C4orf50: variants seen among roughly 807,000 people sequenced by gnomAD.
C4orf50 encodes chromosome 4 open reading frame 50.
C4orf50 carries 80 observed loss-of-function variants against 77.2 expected under a neutral mutation model. That is an observed-to-expected ratio of 1.04 (90% CI 0.87 to 1.25). C4orf50 has a LOEUF of 1.25. Ranked by LOEUF, C4orf50 falls within the 50% of genes most tolerant of loss-of-function variation. C4orf50 has a pLI of 0.00. For synonymous variants in C4orf50, 532 were observed against 465.3 expected (o/e 1.14, Z -1.84); for missense variants, 1,257 against 1,152.9 (o/e 1.09, Z -1.31).
rs183995145 is a variant in C4orf50, at chr4:5,949,814, C to T, written c.*2474+7087G>A. On this transcript the variant is annotated intron_variant, in intron 7 of 7. Transcript: ENST00000324058. ...CTAGCCTGGTCAACATGGTGAAACC[C>T]CATCTCTACTAAAAATACAGAACAA... Among the ~76,000 whole-genome samples, 35 of 152,054 alleles carry T rather than the reference C, an allele frequency of 2.3e-4. No homozygotes were observed. In the East Asian group the frequency reaches 6.6e-3, roughly 29 times the overall value.
At position 5,982,639 on chromosome 4, in the gene C4orf50, A is replaced by G. The variant is rs538224271; in HGVS notation, c.3700-2301T>C. Among the ~76,000 whole-genome samples the G allele has an allele frequency of 7.9e-4, 120 of 152,334 alleles. 1 individual carries two copies. Among genetic ancestry groups the G allele is most frequent in the South Asian group, 7.7e-3 (37 of 4,834 alleles). On this transcript the variant is annotated intron_variant, in intron 28 of 33. Transcript: ENST00000531445. ...ACAGTACCAATTTGTAGCATTTGCC[A>G]GTTTCCATGGCGTGAATATTCCCAC...
At chr4:5,969,862 A>C (rs936583104) in intron 31 of C4orf50, among the ~76,000 whole-genome samples, 1 of 152,110 alleles carries the variant, frequency 6.6e-6, no homozygotes, top group African/African-American at 2.4e-5. Context: ...CCCAGCTAGG[A>C]GCACAGGAAG....
chr4:6,007,096 G>A lies in C4orf50; in HGVS notation c.963+900C>T, dbSNP rs1438311110. Among the ~76,000 whole-genome samples, 2 of 152,208 alleles carry A rather than the reference G, an allele frequency of 1.3e-5. No individual in the cohort carries two copies. The highest frequency in any genetic ancestry group is 3.9e-4 in the East Asian group (2 of 5,178). ...ATGTTGGACAGATGGATGGACAAGA[G>A]TGAGTGGACAATAAGGGATACAAGG... On this transcript the variant is annotated intron_variant, in intron 25 of 33. Transcript: ENST00000531445. The surrounding 1 kb of genome is among the most constrained non-coding windows in gnomAD (Gnocchi z 4.1).
exon 28 of C4orf50, chr4:5,988,953 G>A: frequency 6.5e-7 from 1 of 1,536,006 alleles, no homozygotes; most frequent in Non-Finnish European, 8.7e-7. Flanking sequence ...TGGCTTTCTG[G>A]AGTTGGCCCA....
intron 7 of C4orf50, among the ~76,000 whole-genome samples, chr4:5,936,918 C>T (rs1387451377): frequency 6.6e-6 from 1 of 151,796 alleles, no homozygotes; most frequent in African/African-American, 2.4e-5. Context: ...ACAGCAATAA[C>T]AGGCGTCTTC....
At chr4:5,912,553 T>A (rs1716855132) in intron 7 of C4orf50, among the ~76,000 whole-genome samples, 1 of 152,120 alleles carries the variant, frequency 6.6e-6, no homozygotes, top group Admixed American at 6.5e-5. Flanking sequence ...TGCACCAGTG[T>A]TCTAAAATGC....
At chr4:5,911,189 G>A (rs758121514) in intron 7 of C4orf50, among the ~76,000 whole-genome samples, 31 of 152,104 alleles carry the variant, frequency 2.0e-4, no homozygotes, top group Non-Finnish European at 4.1e-4. Flanking sequence ...GATTACAGGC[G>A]TAAGCCACCA....
intron 29 of C4orf50, among the ~76,000 whole-genome samples, chr4:5,978,383 T>C (rs10433662): frequency 0.21 from 32,334 of 152,184 alleles, 4,506 homozygotes; most frequent in East Asian, 0.68. Flanking sequence ...AATTAAGAAC[T>C]AAAGTGAGTT....
At chr4:5,912,256 C>CGTGTGT (rs58017259) in intron 7 of C4orf50, among the ~76,000 whole-genome samples, 3,327 of 146,396 alleles carry the variant, frequency 0.023, 50 homozygotes, top group African/African-American at 0.034. Flanking sequence ...GCACTCCACT[C>CGTGTGT]GTGTGTGTGT....
rs5855876 is a variant in C4orf50 at position 5,916,395 on chromosome 4, G to GAGA, written c.*2475-18210_*2475-18208dup. Among the ~76,000 whole-genome samples the GAGA allele has an allele frequency of 0.22, 33,200 of 151,924 alleles. 7,822 individuals carry two copies. The highest frequency in any genetic ancestry group is 0.59 in the African/African-American group (24,529 of 41,260). On this transcript the variant is annotated intron_variant, in intron 7 of 7. Transcript: ENST00000324058. This position sits in a 1 kb window ranked among gnomAD's most constrained non-coding sequence, Gnocchi z 4.4. The stretch of plus-strand genomic sequence containing the variant: ...CAGCCTTGGGTCCCTGCCCACCACA[G>GAGA]AGAAGGCTGGGAGCCAGGACCTGCC...
At chr4:5,912,447 G>A (rs1716850696) in intron 7 of C4orf50, among the ~76,000 whole-genome samples, 1 of 152,120 alleles carries the variant, frequency 6.6e-6, no homozygotes, top group Admixed American at 6.6e-5. Context: ...AAAAGGAGCT[G>A]GGATGAGTGT....
At position 6,015,821 on chromosome 4, in the gene C4orf50, C is replaced by T. The variant is rs1246215215; in HGVS notation, c.287+2324G>A. Among the ~76,000 whole-genome samples the T allele has an allele frequency of 2.0e-5, 3 of 152,182 alleles. No homozygotes were observed. Among genetic ancestry groups the T allele is most frequent in the Admixed American group, 1.3e-4 (2 of 15,280 alleles). On this transcript the variant is annotated intron_variant, in intron 23 of 33. Transcript: ENST00000531445. The surrounding 1 kb of genome is among the most constrained non-coding windows in gnomAD (Gnocchi z 4.4). ...CCAGCTGCATGCAATCCCACACTGG[C>T]GGCCACACTGCCATCCCTAGACTCA...
intron 7 of C4orf50, chr4:5,898,424 T>A (rs932606435): frequency 7.2e-5 from 11 of 152,346 alleles, no homozygotes; most frequent in Admixed American, 7.2e-4. Flanking sequence ...AGAAGCGTGC[T>A]ATTTCTTTAA....
intron 7 of C4orf50, among the ~76,000 whole-genome samples, chr4:5,934,227 C>G (rs116520048): frequency 0.023 from 3,545 of 152,174 alleles, 49 homozygotes; most frequent in South Asian, 0.035. Context: ...TGTTTGGCGG[C>G]GACACAGGAG....
chr4:5,950,010 T>TA (rs1393010392), intron 7 of C4orf50, among the ~76,000 whole-genome samples: 1 of 147,062 alleles, frequency 6.8e-6, no homozygotes, highest in East Asian at 2.0e-4. Flanking sequence ...AAAAAAAGGT[T>TA]AAAATGTAAA....
At chr4:5,977,146 C>A (rs1461608589) in intron 29 of C4orf50, among the ~76,000 whole-genome samples, 2 of 152,204 alleles carry the variant, frequency 1.3e-5, no homozygotes, top group Non-Finnish European at 2.9e-5. Flanking sequence ...ACCCCCCAGC[C>A]GAGACTGGCA....
intron 7 of C4orf50, among the ~76,000 whole-genome samples, chr4:5,906,921 T>G (rs142889530): frequency 3.3e-5 from 5 of 152,346 alleles, no homozygotes; most frequent in African/African-American, 1.2e-4. Flanking sequence ...TAAATCAGAA[T>G]CACTTGGAGA....
chr4:5,939,702 T>C (rs1718181286), intron 7 of C4orf50, among the ~76,000 whole-genome samples: 1 of 152,138 alleles, frequency 6.6e-6, no homozygotes, highest in Admixed American at 6.5e-5. Flanking sequence ...CTCTAATTTG[T>C]CTCTCCATCC....
Position 6,018,524 on chromosome 4 carries a change from T to G in C4orf50, c.-93A>C, listed in dbSNP as rs934972396. 2.3e-5 allele frequency: 9 copies of G among 397,832 alleles called. No homozygotes were observed. Among genetic ancestry groups the G allele is most frequent in the Non-Finnish European group, 3.5e-5 (8 of 226,014 alleles). The allele number at this position is 397,832 out of a possible 1,614,324, so 24.6% of individuals were successfully genotyped here. ...GAGATTTCAAGGTGGTGTTTGTGAC[T>G]TCAGATTGTTCAGGAAAATATCCTT... On this transcript the variant is annotated 5_prime_UTR_variant, in exon 23 of 34. Transcript: ENST00000531445. This position sits in a 1 kb window ranked among gnomAD's most constrained non-coding sequence, Gnocchi z 5.1.
Sources: gnomAD v4.1 joint callset for allele counts (sites outside exome capture counted in the v4.1 genomes callset) on GRCh38, gnomAD v4.1.1 for gene constraint, Gnocchi (gnomAD v3.1) non-coding constraint, MANE v1.5 for transcripts, NCBI Gene and HGNC (gene_info 2026-07-23, HGNC 2026-07-21) for gene names.